The following GRIP1 variants were observed in gnomAD, a reference collection of about 807,000 sequenced individuals.
GRIP1 encodes glutamate receptor-interacting protein 1.
GRIP1 carries 45 observed loss-of-function variants against 129.9 expected under a neutral mutation model. The observed-to-expected ratio is 0.35, with a 90% CI of 0.27 to 0.44. The LOEUF is 0.44. Among genes scored for constraint, GRIP1 ranks in the 20% least tolerant of loss-of-function variants. The pLI, the probability that GRIP1 is intolerant of heterozygous loss-of-function variation, is 1.00. For synonymous variants in GRIP1, 530 were observed against 520.8 expected, an observed-to-expected ratio of 1.02 and a Z score of -0.24; for missense variants, 1,196 against 1,396.8, an observed-to-expected ratio of 0.86 and a Z score of 2.29.
chr12:66,392,278 A>G (rs761344168), intron 19 of GRIP1, 30 bp downstream of exon 19: 6 of 1,313,184 alleles, frequency 4.6e-6, no homozygotes, highest in East Asian at 2.3e-5. Context: ...AACAATGACA[A>G]GTCCTCTGGG....
intron 15 of GRIP1, among the ~76,000 whole-genome samples, chr12:66,414,127 G>T (rs2057499501): frequency 1.3e-5 from 2 of 152,014 alleles, no homozygotes; most frequent in Admixed American, 6.6e-5. Context: ...AAAATAAAGG[G>T]TATTCAAATC....
At chr12:66,637,039 C>A (rs2031461160) in intron 1 of GRIP1, among the ~76,000 whole-genome samples, 2 of 152,120 alleles carry the variant, frequency 1.3e-5, no homozygotes, top group African/African-American at 4.8e-5. Flanking sequence ...AGCACAGCTG[C>A]ACTGGTGCAG....
At chr12:66,850,564 T>C (rs1566050567) in intron 1 of GRIP1, among the ~76,000 whole-genome samples, 3 of 151,990 alleles carry the variant, frequency 2.0e-5, no homozygotes, top group Admixed American at 1.3e-4. Flanking sequence ...AGCCATGTAA[T>C]AGAAACTAAT....
chr12:66,904,338 TG>T lies in GRIP1; in HGVS notation c.58+164711del, dbSNP rs750858042. The stretch of plus-strand genomic sequence containing the variant: ...CCCTGCCCACTGGCCAAGAACTGCA[TG>T]GAAAAGTGGAAGTAATGGAAGTATT... On this transcript the variant is annotated intron_variant, in intron 1 of 1. Coordinates refer to the GRIP1 transcript ENST00000643019. Among the ~76,000 whole-genome samples, 237 of 152,242 alleles carry T rather than the reference TG, an allele frequency of 1.6e-3. 1 individual carries two copies. The Middle Eastern group carries it at 0.017, about 11-fold the overall frequency.
At chr12:66,897,068 T>C (rs557255630) in intron 1 of GRIP1, among the ~76,000 whole-genome samples, 5 of 152,176 alleles carry the variant, frequency 3.3e-5, no homozygotes, top group African/African-American at 7.2e-5. Context: ...CCTGGGTATG[T>C]TGCTTATATT....
chr12:66,752,024 A>C (rs1331198938), intron 1 of GRIP1, among the ~76,000 whole-genome samples: 7 of 152,200 alleles, frequency 4.6e-5, no homozygotes, highest in African/African-American at 1.4e-4. Flanking sequence ...GAATGGAGAG[A>C]GAGAATACTA....
intron 2 of GRIP1, among the ~76,000 whole-genome samples, chr12:66,559,051 C>A (rs1240211209): frequency 1.3e-5 from 2 of 151,598 alleles, no homozygotes; most frequent in African/African-American, 4.8e-5. Context: ...TGTGATATAC[C>A]CACAACAGAA....
At chr12:66,873,347 A>G (rs1380554185) in intron 1 of GRIP1, among the ~76,000 whole-genome samples, 1 of 152,078 alleles carries the variant, frequency 6.6e-6, no homozygotes, top group African/African-American at 2.4e-5. Flanking sequence ...GGTGAGAGAT[A>G]CTGTTCCATC....
chr12:66,463,400 G>A (rs1469317154), intron 8 of GRIP1, among the ~76,000 whole-genome samples: 1 of 152,122 alleles, frequency 6.6e-6, no homozygotes, highest in Non-Finnish European at 1.5e-5. Flanking sequence ...AGAGGAAAGG[G>A]AAAAACAGGA....
intron 7 of GRIP1, among the ~76,000 whole-genome samples, chr12:66,507,417 G>A (rs548590368): frequency 6.3e-4 from 95 of 149,742 alleles, no homozygotes; most frequent in African/African-American, 2.2e-3. Context: ...CAGCCTGGGT[G>A]AAAGAGCGAG....
chr12:66,577,396 G>C (rs2063177223), intron 2 of GRIP1, among the ~76,000 whole-genome samples: 1 of 152,306 alleles, frequency 6.6e-6, no homozygotes, highest in South Asian at 2.1e-4. Flanking sequence ...GTTTCCAATA[G>C]TGAAAGTAGA....
At chr12:66,905,858 T>C (rs141035437) in intron 1 of GRIP1, among the ~76,000 whole-genome samples, 154 of 152,274 alleles carry the variant, frequency 1.0e-3, no homozygotes, top group Middle Eastern at 3.4e-3. Flanking sequence ...AGCCATAGTG[T>C]TTTCGATTTC....
chr12:66,454,055 T>C (rs1480492821), intron 11 of GRIP1, among the ~76,000 whole-genome samples: 4 of 152,210 alleles, frequency 2.6e-5, no homozygotes, highest in Non-Finnish European at 4.4e-5. Context: ...AATCTCCTTA[T>C]ATGTAAAAGT....
At chr12:66,951,385 C>G (rs969972536) in intron 1 of GRIP1, among the ~76,000 whole-genome samples, 1 of 152,016 alleles carries the variant, frequency 6.6e-6, no homozygotes, top group Non-Finnish European at 1.5e-5. Context: ...AATAGCAGCA[C>G]AAAGGTTCTG....
At chr12:66,871,272 C>T (rs537766500) in intron 1 of GRIP1, among the ~76,000 whole-genome samples, 7 of 152,164 alleles carry the variant, frequency 4.6e-5, no homozygotes, top group East Asian at 1.9e-4. Flanking sequence ...GATGAAAATA[C>T]GTGATAATTG....
intron 1 of GRIP1, among the ~76,000 whole-genome samples, chr12:66,829,620 T>A (rs991499177): frequency 3.3e-5 from 5 of 152,172 alleles, no homozygotes; most frequent in Non-Finnish European, 7.3e-5. Context: ...TTAAATTTTG[T>A]CTCCATGATG....
At chr12:66,997,733 C>T (rs966911405) in intron 1 of GRIP1, among the ~76,000 whole-genome samples, 14 of 152,050 alleles carry the variant, frequency 9.2e-5, no homozygotes, top group Non-Finnish European at 1.6e-4. Flanking sequence ...CTATTTTGAC[C>T]TGATGACAAT....
At chr12:66,438,797 C>T (rs1409575725) in intron 13 of GRIP1, among the ~76,000 whole-genome samples, 2 of 152,100 alleles carry the variant, frequency 1.3e-5, no homozygotes, top group Non-Finnish European at 2.9e-5. Flanking sequence ...TGCCTGGCCT[C>T]ATTCACTGAG....
chr12:66,705,463 G>C (rs1016829388), intron 1 of GRIP1, among the ~76,000 whole-genome samples: 5 of 152,048 alleles, frequency 3.3e-5, no homozygotes, highest in African/African-American at 1.2e-4. Context: ...TCAATATCGT[G>C]AAAATGGCCA....
Sources: allele counts gnomAD v4.1 joint callset (sites outside exome capture counted in the v4.1 genomes callset), GRCh38; gene constraint gnomAD v4.1.1; transcripts MANE v1.5; gene names NCBI Gene and HGNC (gene_info 2026-07-23, HGNC 2026-07-21).